The following ZBTB20 variants were observed in gnomAD, a reference collection of about 807,000 sequenced individuals.
ZBTB20 encodes zinc finger and BTB domain-containing protein 20.
ZBTB20 carries 9 observed loss-of-function variants against 56.9 expected under a neutral mutation model. That is an observed-to-expected ratio of 0.16 (90% CI 0.10 to 0.28). ZBTB20 has a LOEUF of 0.28. Among genes scored for constraint, ZBTB20 ranks in the 10% least tolerant of loss-of-function variants. The pLI, the probability that ZBTB20 is intolerant of heterozygous loss-of-function variation, is 1.00. For synonymous variants in ZBTB20, 417 were observed against 420.7 expected (o/e 0.99, Z 0.11); for missense variants, 655 against 1,003.0 (o/e 0.65, Z 4.69).
intron 3 of ZBTB20, among the ~76,000 whole-genome samples, chr3:114,938,540 G>A (rs893857165): frequency 4.8e-5 from 7 of 146,158 alleles, no homozygotes; most frequent in Non-Finnish European, 2.9e-5. Context: ...GATGAAGCTG[G>A]AAACCATCAT....
At chr3:114,817,702 T>C (rs1378717455) in intron 4 of ZBTB20, among the ~76,000 whole-genome samples, 4 of 152,122 alleles carry the variant, frequency 2.6e-5, no homozygotes, top group Admixed American at 6.5e-5. Flanking sequence ...GTATGACTTA[T>C]GTTTTCTGTG....
rs922184932 is a variant in ZBTB20, at chr3:114,830,110, A to T, written c.-416-28936T>A. 6.9e-4 allele frequency among the ~76,000 whole-genome samples: 105 copies of T among 151,780 alleles called. 1 individual carries two copies. The highest frequency in any genetic ancestry group is 2.4e-3 in the African/African-American group (101 of 41,388). ...CCTTGCATGTTTCATCCGTTCCCTA[A>T]CCTATGCCATCCTGAATCCAAGAGG... is the stretch of plus-strand genomic sequence containing the variant. On this transcript the variant is annotated intron_variant, in intron 4 of 11. Coordinates refer to ENST00000675478, the MANE Select transcript of ZBTB20 (RefSeq NM_001348800.3).
chr3:114,594,965 A>T (rs1454206118), intron 6 of ZBTB20, among the ~76,000 whole-genome samples: 1 of 152,246 alleles, frequency 6.6e-6, no homozygotes, highest in African/African-American at 2.4e-5. Context: ...TTAGGAAAAC[A>T]ATACTAAATC....
In ZBTB20 at chr3:114,878,648, C is replaced by T. The variant is rs183794251; in HGVS notation, c.-417+21656G>A. On this transcript the variant is annotated intron_variant, in intron 4 of 11. Transcript: ENST00000675478. ...TCCTTTGAAAGTAAATTCACATACT[C>T]TGTGATACGGGGTGAGTCACTATGA... 4.8e-4 allele frequency among the ~76,000 whole-genome samples: 72 copies of T among 151,444 alleles called. No homozygotes were observed. The East Asian group carries it at 0.013, about 27-fold the overall frequency.
At chr3:114,869,871 T>A in intron 4 of ZBTB20, among the ~76,000 whole-genome samples, 1 of 152,180 alleles carries the variant, frequency 6.6e-6, no homozygotes, top group African/African-American at 2.4e-5. Flanking sequence ...CATTCCTTTT[T>A]TAATGCCAAA....
chr3:114,531,679 A>T (rs1351480444), intron 6 of ZBTB20, among the ~76,000 whole-genome samples: 1 of 152,186 alleles, frequency 6.6e-6, no homozygotes, highest in African/African-American at 2.4e-5. Flanking sequence ...GAAAAGTTTA[A>T]AAAATGACCC....
At chr3:114,524,007 C>T (rs574724867) in intron 6 of ZBTB20, among the ~76,000 whole-genome samples, 35 of 152,158 alleles carry the variant, frequency 2.3e-4, no homozygotes, top group African/African-American at 7.9e-4. Flanking sequence ...AAATAGATGG[C>T]GAGTTGCATA....
At chr3:114,386,902 G>A (rs1288134050) in intron 8 of ZBTB20, among the ~76,000 whole-genome samples, 1 of 152,054 alleles carries the variant, frequency 6.6e-6, no homozygotes, top group East Asian at 1.9e-4. Context: ...CTATTATGTC[G>A]AATTGCCATT....
chr3:114,857,967 G>T (rs959414628), intron 4 of ZBTB20, among the ~76,000 whole-genome samples: 2 of 152,186 alleles, frequency 1.3e-5, no homozygotes, highest in Non-Finnish European at 2.9e-5. Flanking sequence ...ATTAGAAGAC[G>T]ATTAATGGAA....
intron 4 of ZBTB20, among the ~76,000 whole-genome samples, chr3:114,838,771 G>C (rs2108988611): frequency 6.6e-6 from 1 of 152,214 alleles, no homozygotes; most frequent in East Asian, 1.9e-4. Flanking sequence ...TTGGAAGGTA[G>C]CAAAACTTAA....
intron 6 of ZBTB20, among the ~76,000 whole-genome samples, chr3:114,622,753 A>T (rs1257380588): frequency 6.6e-6 from 1 of 152,256 alleles, no homozygotes; most frequent in Non-Finnish European, 1.5e-5. Context: ...TACAATATAC[A>T]TCTGGTTAAA....
chr3:114,441,724 G>A (rs371299167), intron 7 of ZBTB20, among the ~76,000 whole-genome samples: 6 of 151,898 alleles, frequency 4.0e-5, no homozygotes, highest in Non-Finnish European at 8.8e-5. Context: ...GCAACACACC[G>A]GTGAATATAA....
At chr3:114,715,636 T>G (rs973468843) in intron 5 of ZBTB20, among the ~76,000 whole-genome samples, 7 of 152,280 alleles carry the variant, frequency 4.6e-5, no homozygotes, top group Non-Finnish European at 1.0e-4. Flanking sequence ...ACCTGAGAGA[T>G]ATAGTAATGG....
intron 5 of ZBTB20, among the ~76,000 whole-genome samples, chr3:114,760,122 G>A (rs2068327947): frequency 6.6e-6 from 1 of 151,984 alleles, no homozygotes; most frequent in African/African-American, 2.4e-5. Flanking sequence ...AATCACTTTA[G>A]GAACATACAA....
chr3:114,740,875 T>C (rs1472829451), intron 5 of ZBTB20, among the ~76,000 whole-genome samples: 1 of 152,202 alleles, frequency 6.6e-6, no homozygotes, highest in East Asian at 1.9e-4. Context: ...GAGTACTGTT[T>C]AGAGAGCAAT....
intron 7 of ZBTB20, among the ~76,000 whole-genome samples, chr3:114,446,494 T>C (rs2091280122): frequency 6.6e-6 from 1 of 152,198 alleles, no homozygotes. Flanking sequence ...GATGTCACAG[T>C]ACAACATTTA....
At chr3:114,982,494 T>G (rs954702268) in intron 2 of ZBTB20, among the ~76,000 whole-genome samples, 3 of 152,016 alleles carry the variant, frequency 2.0e-5, no homozygotes, top group African/African-American at 7.2e-5. Flanking sequence ...AGTAATTCCA[T>G]GAAGAGAAAA....
intron 6 of ZBTB20, among the ~76,000 whole-genome samples, chr3:114,604,505 A>AAAATATATGTAAAATATATTTAAAC (rs2056995843): frequency 1.3e-5 from 2 of 151,838 alleles, no homozygotes; most frequent in Non-Finnish European, 2.9e-5. Flanking sequence ...AAATATATTT[A>AAAATATATGTAAAATATATTTAAAC]AAATATATGT....
At chr3:114,402,640 T>C (rs1188785705) in intron 7 of ZBTB20, among the ~76,000 whole-genome samples, 1 of 152,192 alleles carries the variant, frequency 6.6e-6, no homozygotes. Context: ...AGGTGGAACA[T>C]GGCTGTTGGG....
Sources: gnomAD v4.1 joint callset for allele counts (sites outside exome capture counted in the v4.1 genomes callset) on GRCh38, gnomAD v4.1.1 for gene constraint, MANE v1.5 for transcripts, NCBI Gene and HGNC (gene_info 2026-07-23, HGNC 2026-07-21) for gene names.